IAH1: variants seen among roughly 807,000 people sequenced by gnomAD.
The protein encoded by IAH1 is isoamyl acetate-hydrolyzing esterase 1 homolog.
Under a neutral mutation model 26.7 loss-of-function variants are expected in IAH1, and 24 were observed. The ratio of observed to expected loss-of-function variants is 0.90; its 90% CI spans 0.65 to 1.26. The LOEUF (loss-of-function observed/expected upper bound fraction) is 1.26, where lower values mean the gene tolerates loss of function less well. Among genes scored for constraint, IAH1 ranks in the 50% most tolerant of loss-of-function variants. The pLI, the probability that IAH1 is intolerant of heterozygous loss-of-function variation, is 0.00. For synonymous variants in IAH1, 140 were observed against 118.5 expected, an observed-to-expected ratio of 1.18 and a Z score of -1.18; for missense variants, 300 against 299.9, an observed-to-expected ratio of 1.00 and a Z score of 0.00.
At chr2:9,494,196 A>G (rs1012892335), downstream of IAH1, among the ~76,000 whole-genome samples, 1 of 152,172 alleles carries the variant, frequency 6.6e-6, no homozygotes, top group Non-Finnish European at 1.5e-5. Context: ...ATCATTCTGC[A>G]TGAGAAAAAT....
At chr2:9,508,270 A>G in the IAH1 span, among the ~76,000 whole-genome samples, 3 of 152,204 alleles carry the variant, frequency 2.0e-5, no homozygotes, top group South Asian at 6.2e-4. Flanking sequence ...ATATTCAAGC[A>G]TCTATGAAGT....
downstream of IAH1, among the ~76,000 whole-genome samples, chr2:9,498,470 G>T (rs1055853871): frequency 2.0e-5 from 3 of 152,242 alleles, no homozygotes; most frequent in Admixed American, 6.5e-5. Context: ...AACACTTTAT[G>T]AAAGCAATGG....
intron 5 of IAH1, among the ~76,000 whole-genome samples, chr2:9,487,791 TGTG>T (rs1661626613): frequency 1.7e-4 from 9 of 52,104 alleles, no homozygotes; most frequent in African/African-American, 1.5e-4. Flanking sequence ...GGCCTTTTTG[TGTG>T]TGTGTGTGTG....
the IAH1 span, among the ~76,000 whole-genome samples, chr2:9,508,618 T>C: frequency 1.6e-4 from 25 of 152,306 alleles, no homozygotes; most frequent in African/African-American, 6.0e-4. Flanking sequence ...GCAAACATTA[T>C]TAAAAATTTA....
chr2:9,474,108 G>A (rs1682323954), upstream of IAH1, among the ~76,000 whole-genome samples: 1 of 152,114 alleles, frequency 6.6e-6, no homozygotes, highest in Non-Finnish European at 1.5e-5. This position sits in a 1 kb window ranked among gnomAD's most constrained non-coding sequence, Gnocchi z 4.3. Flanking sequence ...CAGTGCCTGC[G>A]TCCTCGTGGG....
upstream of IAH1, among the ~76,000 whole-genome samples, chr2:9,474,372 GGGGCAGCCTT>G (rs375565618): frequency 1.1e-3 from 161 of 152,282 alleles, 1 homozygote; most frequent in African/African-American, 3.8e-3. The surrounding 1 kb of genome is among the most constrained non-coding windows in gnomAD (Gnocchi z 4.3). Context: ...GGACTCCCTG[GGGGCAGCCTT>G]GCTGTGGGTG....
intron 4 of IAH1, among the ~76,000 whole-genome samples, chr2:9,483,168 G>A (rs1661281110): frequency 6.6e-6 from 1 of 152,196 alleles, no homozygotes; most frequent in African/African-American, 2.4e-5. Flanking sequence ...GTAGCCCAAT[G>A]CAGACTTTTT....
At chr2:9,504,632 G>A in the IAH1 span, among the ~76,000 whole-genome samples, 1 of 150,330 alleles carries the variant, frequency 6.7e-6, no homozygotes, top group Non-Finnish European at 1.5e-5. Context: ...GCATGGTGGT[G>A]CGTGCCTGTA....
downstream of IAH1, among the ~76,000 whole-genome samples, chr2:9,500,725 A>G (rs1662948211): frequency 6.6e-6 from 1 of 152,208 alleles, no homozygotes; most frequent in Non-Finnish European, 1.5e-5. Context: ...TCGCAAGGGT[A>G]AAAAAGGAAC....
downstream of IAH1, chr2:9,494,539 CTTGTGTTTTGA>C: frequency 7.1e-7 from 1 of 1,416,086 alleles, no homozygotes; most frequent in Non-Finnish European, 9.8e-7. Context: ...TGTAGCCCCA[CTTGTGTTTTGA>C]TTTGTTTTCA....
At chr2:9,502,293 G>A in the IAH1 span, 6 of 1,586,308 alleles carry the variant, frequency 3.8e-6, no homozygotes, top group Non-Finnish European at 5.2e-6. Context: ...AAGAACAGCA[G>A]ACAGGAACAG....
Position 9,478,279 on chromosome 2 carries a change from T to A in IAH1, c.192T>A (p.Ile64=). Residue 64 remains isoleucine, a synonymous_variant, in exon 3 of 6, where the codon ATT becomes ATA. Transcript: ENST00000497473. ...FSGYNTRWAK[I]ILPRLIRKGN... ...GTTACAATACCAGGTGGGCCAAAAT[T>A]ATCCTTCCAAGATTAATCAGGAAAG... 1 of 1,613,258 alleles carries A rather than the reference T, an allele frequency of 6.2e-7. No homozygotes were observed. The highest frequency in any genetic ancestry group is 8.5e-7 in the Non-Finnish European group (1 of 1,179,614).
At chr2:9,480,915 C>G in intron 3 of IAH1, 1 of 171,674 alleles carries the variant, frequency 5.8e-6, no homozygotes, top group Non-Finnish European at 1.2e-5. Context: ...TACAGAAAGT[C>G]TAAGTATTTA....
At chr2:9,487,232 A>G (rs1661558743) in intron 5 of IAH1, among the ~76,000 whole-genome samples, 1 of 152,054 alleles carries the variant, frequency 6.6e-6, no homozygotes, top group Non-Finnish European at 1.5e-5. Flanking sequence ...GCAAAGCAAG[A>G]CCCTGTCTCC....
At chr2:9,485,044 A>G (rs1377186054) in intron 5 of IAH1, 1 of 155,182 alleles carries the variant, frequency 6.4e-6, no homozygotes, top group East Asian at 1.9e-4. Context: ...TGACGCAGTC[A>G]CACATACACT....
At chr2:9,494,797 G>T (rs1437630073) in exon 6 of IAH1, 1 of 1,612,070 alleles carries the variant, frequency 6.2e-7, no homozygotes, top group East Asian at 2.2e-5. Context: ...TTGACAGCTG[G>T]ATTGTTCTGA....
upstream of IAH1, chr2:9,474,001 G>A (rs1457950329): frequency 6.6e-6 from 1 of 152,288 alleles, no homozygotes; most frequent in African/African-American, 2.4e-5. The surrounding 1 kb of genome is among the most constrained non-coding windows in gnomAD (Gnocchi z 4.3). Context: ...TCCACCCCAC[G>A]GCGGGAAAAA....
At chr2:9,484,809 T>A (rs1342087404) in intron 5 of IAH1, 1 of 386,634 alleles carries the variant, frequency 2.6e-6, no homozygotes, top group Non-Finnish European at 4.7e-6. Context: ...TGGCTCATAT[T>A]TATGAACGTC....
At chr2:9,479,795 C>G (rs772823717) in intron 3 of IAH1, among the ~76,000 whole-genome samples, 3 of 69,848 alleles carry the variant, frequency 4.3e-5, no homozygotes, top group African/African-American at 5.3e-5. Context: ...CTGTGTATTG[C>G]TTTTTTTTTT....
Sources: allele counts gnomAD v4.1 joint callset (sites outside exome capture counted in the v4.1 genomes callset), GRCh38; gene constraint gnomAD v4.1.1; non-coding constraint Gnocchi (gnomAD v3.1); transcripts MANE v1.5; gene names NCBI Gene and HGNC (gene_info 2026-07-23, HGNC 2026-07-21).